The following TXNRD2 variants were observed in gnomAD, a reference collection of about 807,000 sequenced individuals.
TXNRD2 encodes the protein thioredoxin reductase 2, mitochondrial.
A neutral mutation model predicts 70.8 loss-of-function variants in TXNRD2; 67 were observed. The observed-to-expected ratio is 0.95, with a 90% CI of 0.78 to 1.16. The LOEUF (loss-of-function observed/expected upper bound fraction) is 1.16, where lower values mean the gene tolerates loss of function less well. Among genes scored for constraint, TXNRD2 ranks in the 50% most tolerant of loss-of-function variants. The pLI is 0.00. For synonymous variants in TXNRD2, 301 were observed against 295.8 expected (o/e 1.02, Z -0.18); for missense variants, 644 against 719.9 (o/e 0.89, Z 1.21).
At chr22:19,897,299 G>T (rs1939552498) in intron 10 of TXNRD2, among the ~76,000 whole-genome samples, 1 of 152,148 alleles carries the variant, frequency 6.6e-6, no homozygotes, top group Non-Finnish European at 1.5e-5. Flanking sequence ...CTGAGGGTCG[G>T]CCGAGGACCT....
chr22:19,900,133 C>A (rs940151669), intron 8 of TXNRD2, among the ~76,000 whole-genome samples: 2 of 152,246 alleles, frequency 1.3e-5, no homozygotes, highest in East Asian at 3.8e-4. Flanking sequence ...AGAACCGCAC[C>A]ACTGTCAGGA....
intron 8 of TXNRD2, among the ~76,000 whole-genome samples, chr22:19,899,517 A>C (rs1939676139): frequency 6.6e-6 from 1 of 152,238 alleles, no homozygotes; most frequent in African/African-American, 2.4e-5. Flanking sequence ...CATGTGCCAG[A>C]GGCACATCCA....
intron 1 of TXNRD2, among the ~76,000 whole-genome samples, chr22:19,940,804 G>T (rs1334584526): frequency 6.6e-6 from 1 of 152,132 alleles, no homozygotes; most frequent in Non-Finnish European, 1.5e-5. Flanking sequence ...GCCACGAGGT[G>T]GTGACTGCCT....
Position 19,911,261 on chromosome 22 carries a change from T to G in TXNRD2, c.662+116A>C, listed in dbSNP as rs1475213397. On this transcript the variant is annotated intron_variant, in intron 8 of 17. Coordinates refer to ENST00000400521, the MANE Select transcript of TXNRD2 (RefSeq NM_006440.5). ...ACAAATAACAGGCCTTTTTTCCTTC[T>G]TTTGGGTAAACCGGAAAGAAAGCCC... is the stretch of plus-strand genomic sequence containing the variant. 4 of 885,042 alleles carry G rather than the reference T, an allele frequency of 4.5e-6. No individual in the cohort carries two copies. In the East Asian group the frequency reaches 7.7e-5, roughly 17 times the overall value. The allele number at this position is 885,042 out of a possible 1,614,324, so 54.8% of individuals were successfully genotyped here. A position where few individuals can be genotyped will look rare whatever the true frequency, so the allele number is the denominator to read the frequency against.
intron 8 of TXNRD2, among the ~76,000 whole-genome samples, chr22:19,907,411 C>T (rs112804835): frequency 4.0e-5 from 1 of 25,034 alleles, no homozygotes; most frequent in Non-Finnish European, 8.0e-5. Context: ...AGAGTGTGGG[C>T]GCACCGTAAG....
chr22:19,933,778 G>A (rs1248184296), intron 1 of TXNRD2, among the ~76,000 whole-genome samples: 1 of 152,196 alleles, frequency 6.6e-6, no homozygotes, highest in East Asian at 1.9e-4. Flanking sequence ...TGGGTGGCAG[G>A]CGTTACCTGG....
Position 19,878,149 on chromosome 22 carries a change from G to A in TXNRD2, c.1386C>T (p.Gly462=), listed in dbSNP as rs746173893. The A allele has an allele frequency of 1.2e-6, 2 of 1,613,384 alleles. No individual in the cohort carries two copies. Among genetic ancestry groups the A allele is most frequent in the Non-Finnish European group, 1.7e-6 (2 of 1,180,028 alleles). ...CLREPPQLVL[G]LHFLGPNAGE... ...CTGCGTTGGGGCCAAGGAAATGCAG[G>A]CCCAGCACCAGCTGTGGGGGCTCCC... Residue 462 remains glycine, a synonymous_variant, in exon 16 of 18, where the codon GGC becomes GGT. Transcript: ENST00000400521.
intron 2 of TXNRD2, among the ~76,000 whole-genome samples, chr22:19,923,636 C>T (rs1052575239): frequency 5.9e-5 from 9 of 152,094 alleles, no homozygotes; most frequent in African/African-American, 2.2e-4. Context: ...AAGCTCGTCT[C>T]TACTAAAAAT....
chr22:19,879,604 G>A (rs910595201), intron 14 of TXNRD2, among the ~76,000 whole-genome samples: 1 of 149,224 alleles, frequency 6.7e-6, no homozygotes, highest in Non-Finnish European at 1.5e-5. Flanking sequence ...CCAGGAAGAC[G>A]AGGTGCAGGG....
intron 11 of TXNRD2, among the ~76,000 whole-genome samples, chr22:19,885,434 A>G (rs1938983078): frequency 6.6e-6 from 1 of 152,080 alleles, no homozygotes; most frequent in South Asian, 2.1e-4. Flanking sequence ...AAAACATACC[A>G]ACTTGGCTAA....
rs1938711043 is a variant in TXNRD2 at position 19,880,374 on chromosome 22, G to A, written c.1183-103C>T. ...CAGCGATCACAGACCAGGACCAGAT[G>A]CGCCCAGAGCAGGCTGCAAGCACAG... On this transcript the variant is annotated intron_variant, in intron 13 of 17. Transcript: ENST00000400521. 3.2e-6 allele frequency: 4 copies of A among 1,244,132 alleles called. No individual in the cohort carries two copies. The Admixed American group carries it at 7.8e-5, about 24-fold the overall frequency. The allele number at this position is 1,244,132 out of a possible 1,614,324, so 77.1% of individuals were successfully genotyped here.
intron 2 of TXNRD2, among the ~76,000 whole-genome samples, chr22:19,928,105 T>G (rs1454678654): frequency 9.0e-6 from 1 of 111,600 alleles, no homozygotes; most frequent in East Asian, 3.3e-4. Context: ...TCATCTTTCT[T>G]TTTTTTAATA....
intron 8 of TXNRD2, among the ~76,000 whole-genome samples, chr22:19,904,207 A>C (rs1172618658): frequency 6.6e-6 from 1 of 152,022 alleles, no homozygotes; most frequent in East Asian, 1.9e-4. Context: ...TCACCCACCC[A>C]CAAGCTCACA....
rs11913382 is a variant in TXNRD2 at position 19,879,946 on chromosome 22, A to G, written c.1275+233T>C. On this transcript the variant is annotated intron_variant, in intron 14 of 17. Transcript: ENST00000400521. ...GGCCTTCCCCTCACTGCTGTGACAC[A>G]TGGTGGCAGAGACCAGAGGCACCTA... Among the ~76,000 whole-genome samples, 2,017 of 152,214 alleles carry G rather than the reference A, an allele frequency of 0.013. 50 individuals are homozygous for G. The highest frequency in any genetic ancestry group is 0.046 in the African/African-American group (1,904 of 41,532).
Position 19,880,243 on chromosome 22 carries a change from T to C in TXNRD2, c.1211A>G (p.Glu404Gly), listed in dbSNP as rs1435686741. The C allele has an allele frequency of 1.2e-6, 2 of 1,613,560 alleles. No individual in the cohort carries two copies. The highest frequency in any genetic ancestry group is 2.7e-5 in the African/African-American group (2 of 74,904). The change falls in exon 14 of 18, where the codon GAG becomes GGG. Residue 404 changes from glutamate (E) to glycine (G), a missense_variant. Physicochemically the swap from Glu to Gly is moderately conservative, Grantham distance 98. Coordinates refer to ENST00000400521, the MANE Select transcript of TXNRD2 (RefSeq NM_006440.5). ...NVPTTVFTPL[E>G]YGCVGLSEEE... is the part of the protein sequence containing the mutation. ...CTCGGACAGCCCCACACAGCCATAC[T>C]CCAGCGGGGTGAAGACGGTCGTGGG...
Position 19,878,125 on chromosome 22 carries a change from T to A in TXNRD2, c.1410A>T (p.Ala470=), listed in dbSNP as rs765101161. Residue 470 remains alanine, a synonymous_variant, in exon 16 of 18, where the codon GCA becomes GCT. Transcript: ENST00000400521. ...VLGLHFLGPN[A]GEVTQGFALG... ...GAGCAAATCCTTGAGTAACTTCGCCTGCGTTGGGGCCAAGGAAATGCAGGC... is the reference window on the plus strand; with the variant it reads ...GAGCAAATCCTTGAGTAACTTCGCCAGCGTTGGGGCCAAGGAAATGCAGGC... 5.6e-6 allele frequency: 9 copies of A among 1,613,410 alleles called. No homozygotes were observed. Among genetic ancestry groups the A allele is most frequent in the Non-Finnish European group, 8.5e-7 (1 of 1,180,032 alleles).
At chr22:19,892,721 G>A (rs1043185266) in intron 11 of TXNRD2, among the ~76,000 whole-genome samples, 3 of 152,204 alleles carry the variant, frequency 2.0e-5, no homozygotes, top group Non-Finnish European at 2.9e-5. Context: ...GCAGACAGAG[G>A]AGGAGGGCTA....
Position 19,919,591 on chromosome 22 carries a change from G to C in TXNRD2, c.181C>G (p.Leu61Val). Residue 61 changes from leucine (L) to valine (V), a missense_variant, in exon 3 of 18, where the codon CTG becomes GTG. Leu to Val is a conservative substitution (Grantham distance 32). This residue lies in a region of TXNRD2 where 566 missense variants were observed against 645.0 expected (regional missense o/e 0.88). Coordinates refer to ENST00000400521, the MANE Select transcript of TXNRD2 (RefSeq NM_006440.5). ...GLACAKEAAQ[L>V]GRKVAVVDYV... ...TCCACCACGGCCACCTTCCTTCCCA[G>C]CTGGGCGGCTGGAAGGATAAGGAGA... 2 of 1,561,284 alleles carry C rather than the reference G, an allele frequency of 1.3e-6. No individual in the cohort carries two copies. The highest frequency in any genetic ancestry group is 3.8e-5 in the Admixed American group (2 of 51,974).
chr22:19,889,046 G>T (rs968392976), intron 11 of TXNRD2, among the ~76,000 whole-genome samples: 2 of 152,058 alleles, frequency 1.3e-5, no homozygotes, highest in African/African-American at 4.8e-5. Flanking sequence ...GGGCCTCAAT[G>T]GGACCTGATT....
Sources: gnomAD v4.1 joint callset for allele counts (sites outside exome capture counted in the v4.1 genomes callset) on GRCh38, gnomAD v4.1.1 for gene constraint, gnomAD v4.1.1 regional missense constraint, MANE v1.5 for transcripts, NCBI Gene and HGNC (gene_info 2026-07-23, HGNC 2026-07-21) for gene names.